DENND5B: variants seen among roughly 807,000 people sequenced by gnomAD.
DENND5B encodes DENN domain-containing protein 5B.
In DENND5B, 34 loss-of-function variants were observed where a neutral mutation model predicts 140.6. The observed-to-expected ratio is 0.24, with a 90% CI of 0.18 to 0.32. The LOEUF (loss-of-function observed/expected upper bound fraction) is 0.32, where lower values mean the gene tolerates loss of function less well. DENND5B is among the 10% of genes least tolerant of loss of function. The probability of loss-of-function intolerance (pLI) is 1.00; values close to 1 mark genes in which losing one functional copy is unlikely to be tolerated. For missense variants in DENND5B, 1,142 were observed against 1,560.2 expected, an observed-to-expected ratio of 0.73 and a Z score of 4.52; for synonymous variants, 551 against 562.1, an observed-to-expected ratio of 0.98 and a Z score of 0.28.
In DENND5B at chr12:31,448,204, G is replaced by C. The variant is rs991111820; in HGVS notation, c.1630-435C>G. 5.2e-4 allele frequency among the ~76,000 whole-genome samples: 79 copies of C among 152,000 alleles called. 1 individual carries two copies. The highest frequency in any genetic ancestry group is 1.0e-3 in the Non-Finnish European group (71 of 68,000). On this transcript the variant is annotated intron_variant, in intron 5 of 20. Transcript: ENST00000389082. ...GCTGGAGTGCAGTGGCACGATCTCG[G>C]CTCACTGCAAGCTCCCGCCTCCCGG... is the stretch of plus-strand genomic sequence containing the variant.
chr12:31,518,883 T>C (rs952867907), intron 1 of DENND5B, among the ~76,000 whole-genome samples: 10 of 152,232 alleles, frequency 6.6e-5, no homozygotes, highest in African/African-American at 1.2e-4. Context: ...TTCTTTATCC[T>C]GGCAGGGAGC....
At chr12:31,393,714 G>C (rs759884036) in intron 17 of DENND5B, among the ~76,000 whole-genome samples, 9 of 152,058 alleles carry the variant, frequency 5.9e-5, no homozygotes, top group Non-Finnish European at 1.0e-4. Flanking sequence ...TTGAGATGGA[G>C]TCTCGCTCTG....
chr12:31,590,463 G>C lies in DENND5B; in HGVS notation c.127+243C>G. On this transcript the variant is annotated intron_variant, in intron 1 of 20. Coordinates refer to ENST00000389082, the MANE Select transcript of DENND5B (RefSeq NM_144973.4). ...TCCGTGCCCTTGGGGCCACCCCCGC[G>C]CCTGTTATTAATAACCCAGCGCCTG... The C allele has an allele frequency of 1.1e-5, 4 of 371,182 alleles. No homozygotes were observed. In the South Asian group the frequency reaches 2.2e-4, roughly 20 times the overall value. The allele number at this position is 371,182 out of a possible 1,614,324, so 23.0% of individuals were successfully genotyped here.
intron 8 of DENND5B, among the ~76,000 whole-genome samples, chr12:31,431,347 C>T (rs541972705): frequency 6.6e-6 from 1 of 152,244 alleles, no homozygotes; most frequent in East Asian, 1.9e-4. Context: ...TGGGGGAAAA[C>T]TATAAGCAAG....
chr12:31,547,972 C>T (rs984270221), intron 1 of DENND5B, among the ~76,000 whole-genome samples: 1 of 152,154 alleles, frequency 6.6e-6, no homozygotes, highest in Admixed American at 6.6e-5. Flanking sequence ...TCCCAAAGTG[C>T]TGGGACTGAA....
chr12:31,402,716 A>C, intron 14 of DENND5B, 73 bp from the exon 15 acceptor site: 1 of 1,467,532 alleles, frequency 6.8e-7, no homozygotes, highest in African/African-American at 1.4e-5. Flanking sequence ...TATATTAAGA[A>C]CTCTTGTTGG....
chr12:31,473,095 T>C (rs1042679517), intron 3 of DENND5B, among the ~76,000 whole-genome samples: 2 of 152,112 alleles, frequency 1.3e-5, no homozygotes, highest in African/African-American at 4.8e-5. Context: ...CACACTACCA[T>C]GCCTAGCTAA....
intron 1 of DENND5B, among the ~76,000 whole-genome samples, chr12:31,523,301 G>C (rs764184190): frequency 6.6e-6 from 1 of 152,092 alleles, no homozygotes; most frequent in Non-Finnish European, 1.5e-5. Flanking sequence ...GGCCTCAAGT[G>C]ATCCGCCTGC....
At chr12:31,433,857 A>G (rs953224363) in intron 7 of DENND5B, among the ~76,000 whole-genome samples, 1 of 152,118 alleles carries the variant, frequency 6.6e-6, no homozygotes, top group Non-Finnish European at 1.5e-5. Context: ...TCTCTACAAA[A>G]AATTTAAAAA....
intron 1 of DENND5B, among the ~76,000 whole-genome samples, chr12:31,502,564 C>T (rs1246632324): frequency 6.6e-6 from 1 of 152,108 alleles, no homozygotes; most frequent in Non-Finnish European, 1.5e-5. Context: ...TTATTGGTTA[C>T]TCAGATGTCT....
intron 5 of DENND5B, among the ~76,000 whole-genome samples, chr12:31,450,034 A>G (rs1457583387): frequency 2.0e-5 from 3 of 152,194 alleles, no homozygotes; most frequent in African/African-American, 7.2e-5. Flanking sequence ...CCCAGCCCAC[A>G]GATTAGTTCT....
chr12:31,408,011 CT>C (rs1185715914), intron 14 of DENND5B, among the ~76,000 whole-genome samples: 2 of 152,114 alleles, frequency 1.3e-5, no homozygotes, highest in Non-Finnish European at 2.9e-5. Flanking sequence ...AAATACATCT[CT>C]TGGACAGGCT....
chr12:31,494,978 T>G (rs1329604657), intron 2 of DENND5B, among the ~76,000 whole-genome samples: 2 of 152,238 alleles, frequency 1.3e-5, no homozygotes, highest in Non-Finnish European at 2.9e-5. Flanking sequence ...TTTGTCCAAT[T>G]TTTTGTTCCA....
intron 11 of DENND5B, among the ~76,000 whole-genome samples, chr12:31,419,419 G>A (rs1464241262): frequency 6.7e-6 from 1 of 150,140 alleles, no homozygotes; most frequent in Non-Finnish European, 1.5e-5. Context: ...TCCAGTCTTG[G>A]CAACAAGAGC....
At chr12:31,514,254 G>C (rs1947533749) in intron 1 of DENND5B, among the ~76,000 whole-genome samples, 1 of 152,172 alleles carries the variant, frequency 6.6e-6, no homozygotes, top group Non-Finnish European at 1.5e-5. Context: ...AAGAGCAACA[G>C]GCTGTATCAT....
intron 1 of DENND5B, among the ~76,000 whole-genome samples, chr12:31,502,311 T>TCAAAAA (rs138847056): frequency 2.0e-5 from 3 of 151,704 alleles, no homozygotes; most frequent in Non-Finnish European, 4.4e-5. Flanking sequence ...CAAAGCTGTC[T>TCAAAAA]CAAAAACAAA....
At chr12:31,532,548 G>A (rs983524959) in intron 1 of DENND5B, among the ~76,000 whole-genome samples, 1 of 152,164 alleles carries the variant, frequency 6.6e-6, no homozygotes. Flanking sequence ...GAATGGTCAG[G>A]ATAGACCTGT....
At chr12:31,583,378 AAAG>A (rs1950275653) in intron 1 of DENND5B, among the ~76,000 whole-genome samples, 1 of 151,696 alleles carries the variant, frequency 6.6e-6, no homozygotes. Flanking sequence ...TACTGACTAT[AAAG>A]AATTTAGCAC....
At chr12:31,452,958 G>A in intron 4 of DENND5B, among the ~76,000 whole-genome samples, 1 of 152,126 alleles carries the variant, frequency 6.6e-6, no homozygotes, top group Non-Finnish European at 1.5e-5. Context: ...ATGATATTAG[G>A]TAAAATGCTC....
Sources: allele counts gnomAD v4.1 joint callset (sites outside exome capture counted in the v4.1 genomes callset), GRCh38; gene constraint gnomAD v4.1.1; transcripts MANE v1.5; gene names NCBI Gene and HGNC (gene_info 2026-07-23, HGNC 2026-07-21).